DNAH3: variants seen among roughly 807,000 people sequenced by gnomAD.
DNAH3 encodes the protein axonemal beta dynein heavy chain 3.
Under a neutral mutation model 432.5 loss-of-function variants are expected in DNAH3, and 332 were observed. That is an observed-to-expected ratio of 0.77 (90% CI 0.70 to 0.84). The LOEUF (loss-of-function observed/expected upper bound fraction) is 0.84, where lower values mean the gene tolerates loss of function less well. Ranked by LOEUF, DNAH3 falls within the 40% of genes least tolerant of loss-of-function variation. The probability of loss-of-function intolerance (pLI) is 0.00; values close to 1 mark genes in which losing one functional copy is unlikely to be tolerated. For missense variants in DNAH3, 4,861 were observed against 5,114.0 expected (o/e 0.95, Z 1.51); for synonymous variants, 1,956 against 1,900.2 (o/e 1.03, Z -0.76).
intron 54 of DNAH3, among the ~76,000 whole-genome samples, chr16:20,955,403 C>T (rs1463875190): frequency 6.6e-6 from 1 of 151,782 alleles, no homozygotes; most frequent in African/African-American, 2.4e-5. Context: ...AAGGACACAC[C>T]ACTTGGCAGT....
chr16:21,017,828 T>C (rs2087937239), intron 41 of DNAH3, among the ~76,000 whole-genome samples: 1 of 152,158 alleles, frequency 6.6e-6, no homozygotes. Flanking sequence ...TCATTCATTA[T>C]TTCATTATTA....
rs939821063 is a variant in DNAH3 at position 21,137,260 on chromosome 16, C to CT, written c.697-748dup. On this transcript the variant is annotated intron_variant, in intron 5 of 61. Transcript: ENST00000261383. ...CAGACAAACAGGGTTGGATTTCTGTCTAAAAAAAAAAAAAAAAAAGTAAAG... is the reference window on the plus strand; with the variant it reads ...CAGACAAACAGGGTTGGATTTCTGTCTTAAAAAAAAAAAAAAAAAAGTAAAG... Among the ~76,000 whole-genome samples, 7 of 118,992 alleles carry CT rather than the reference C, an allele frequency of 5.9e-5. No homozygotes were observed. The East Asian group carries it at 1.5e-3, about 26-fold the overall frequency. The allele number at this position is 118,992 out of a possible 152,430, so 78.1% of individuals were successfully genotyped here.
intron 15 of DNAH3, among the ~76,000 whole-genome samples, chr16:21,105,936 A>G (rs2091934463): frequency 6.6e-6 from 1 of 151,902 alleles, no homozygotes; most frequent in Admixed American, 6.6e-5. Flanking sequence ...TAATCCCAGC[A>G]CTTGGGAGGC....
At chr16:21,074,478 C>T (rs940900133) in intron 21 of DNAH3, among the ~76,000 whole-genome samples, 7 of 152,162 alleles carry the variant, frequency 4.6e-5, no homozygotes, top group African/African-American at 9.6e-5. Flanking sequence ...ATTTGGGAGG[C>T]GGAGGTGGGC....
At chr16:21,011,885 C>T (rs931363464) in intron 41 of DNAH3, among the ~76,000 whole-genome samples, 1 of 152,150 alleles carries the variant, frequency 6.6e-6, no homozygotes, top group Non-Finnish European at 1.5e-5. Flanking sequence ...ACATTTCCTA[C>T]ATACCATGCT....
chr16:20,996,625 A>AT (rs1232935431), intron 44 of DNAH3, among the ~76,000 whole-genome samples: 2 of 152,022 alleles, frequency 1.3e-5, no homozygotes. Context: ...AGCCCAGCTA[A>AT]TTTTTTTATT....
chr16:21,120,359 C>A (rs2092309041), intron 11 of DNAH3, among the ~76,000 whole-genome samples: 1 of 152,134 alleles, frequency 6.6e-6, no homozygotes, highest in African/African-American at 2.4e-5. Context: ...CTCGACCTCC[C>A]AAAGCTCTAA....
At chr16:20,943,694 G>C (rs1315475074) in intron 58 of DNAH3, among the ~76,000 whole-genome samples, 1 of 152,158 alleles carries the variant, frequency 6.6e-6, no homozygotes, top group East Asian at 1.9e-4. Flanking sequence ...CTTAACAACT[G>C]TTAACGCTGG....
At chr16:20,959,048 A>G (rs1291658073) in intron 54 of DNAH3, 131 bp downstream of exon 54, 14 of 917,162 alleles carry the variant, frequency 1.5e-5, no homozygotes, top group Non-Finnish European at 2.2e-5. Context: ...GATTACAGAC[A>G]TGAGCCACCC....
At chr16:20,957,794 C>T (rs2084630950) in intron 54 of DNAH3, among the ~76,000 whole-genome samples, 2 of 81,068 alleles carry the variant, frequency 2.5e-5, no homozygotes, top group Admixed American at 1.8e-4. Flanking sequence ...GCAATAAGAG[C>T]GAAACTCCAT....
At chr16:21,075,478 A>C in exon 21 of DNAH3, 1 of 1,614,082 alleles carries the variant, frequency 6.2e-7, no homozygotes, top group East Asian at 2.2e-5. Context: ...GCTGAACGTC[A>C]CGTTAACCCA....
chr16:21,057,027 G>A (rs858196), intron 27 of DNAH3, among the ~76,000 whole-genome samples: 34,051 of 152,044 alleles, frequency 0.22, 4,037 homozygotes, highest in East Asian at 0.46. Context: ...CTAATCCACA[G>A]CCAATCCTCT....
In DNAH3 at chr16:21,021,966, C is replaced by T; in HGVS notation, c.5776+5G>A. The T allele has an allele frequency of 6.2e-7, 1 of 1,613,482 alleles. No individual in the cohort carries two copies. Among genetic ancestry groups the T allele is most frequent in the Non-Finnish European group, 8.5e-7 (1 of 1,179,882 alleles). On this transcript the variant is annotated splice_donor_5th_base_variant and intron_variant, in intron 40 of 61. Coordinates refer to ENST00000261383, the Ensembl canonical transcript of DNAH3. ...TGTGGCTTAAGAATCATGGCTAGCACTTACCAAGCAGAGAAGAGTACAGTC... is the reference window on the plus strand; with the variant it reads ...TGTGGCTTAAGAATCATGGCTAGCATTTACCAAGCAGAGAAGAGTACAGTC...
chr16:21,028,850 A>C lies in DNAH3; in HGVS notation c.5440-1723T>G, dbSNP rs1190400733. 4.6e-5 allele frequency among the ~76,000 whole-genome samples: 7 copies of C among 152,092 alleles called. No individual in the cohort carries two copies. In the East Asian group the frequency reaches 1.4e-3, roughly 29 times the overall value. ...GCCTGAGGCCCTTGTCTCCCAGGGG[A>C]GAAGAGGAAATACGACTGATTCATT... On this transcript the variant is annotated intron_variant, in intron 37 of 61. Transcript: ENST00000261383.
chr16:21,158,012 C>T (rs2152838915), intron 1 of DNAH3, among the ~76,000 whole-genome samples: 1 of 152,188 alleles, frequency 6.6e-6, no homozygotes, highest in East Asian at 1.9e-4. Flanking sequence ...AATTATTCCG[C>T]CCCAAATGTC....
chr16:21,004,571 T>C (rs1480434446), intron 41 of DNAH3, among the ~76,000 whole-genome samples: 1 of 152,146 alleles, frequency 6.6e-6, no homozygotes, highest in Non-Finnish European at 1.5e-5. Context: ...TTTTGCCATG[T>C]TGGCCAGGCT....
At chr16:20,965,038 T>G (rs33928718) in exon 53 of DNAH3, 130,886 of 1,614,090 alleles carry the variant, frequency 0.081, 6,094 homozygotes, top group East Asian at 0.17. Context: ...GTCCTTTTTC[T>G]TGGTGTTCAT....
chr16:20,987,481 G>T (rs1174970993), intron 46 of DNAH3, 33 bp from the exon 47 acceptor site: 1 of 1,612,624 alleles, frequency 6.2e-7, no homozygotes, highest in Non-Finnish European at 8.5e-7. Flanking sequence ...TCAAACGAGT[G>T]GAAGATGGTC....
intron 35 of DNAH3, among the ~76,000 whole-genome samples, chr16:21,035,046 G>C (rs930352989): frequency 1.3e-5 from 2 of 152,188 alleles, no homozygotes; most frequent in African/African-American, 2.4e-5. Flanking sequence ...AGAGAGGAAG[G>C]CTGGGCTGGG....
Sources: gnomAD v4.1 joint callset for allele counts (sites outside exome capture counted in the v4.1 genomes callset) on GRCh38, gnomAD v4.1.1 for gene constraint, MANE v1.5 for transcripts, NCBI Gene and HGNC (gene_info 2026-07-23, HGNC 2026-07-21) for gene names.